The following SULT1A1 variants were observed in gnomAD, a reference collection of about 807,000 sequenced individuals.
The protein encoded by SULT1A1 is sulfotransferase 1A1.
SULT1A1 carries 35 observed loss-of-function variants against 36.8 expected under a neutral mutation model. The ratio of observed to expected loss-of-function variants is 0.95; its 90% CI spans 0.73 to 1.26. The LOEUF (loss-of-function observed/expected upper bound fraction) is 1.26, where lower values mean the gene tolerates loss of function less well. Among genes scored for constraint, SULT1A1 ranks in the 50% most tolerant of loss-of-function variants. The pLI, the probability that SULT1A1 is intolerant of heterozygous loss-of-function variation, is 0.00. For missense variants in SULT1A1, 309 were observed against 383.0 expected (o/e 0.81, Z 1.61); for synonymous variants, 119 against 146.0 (o/e 0.82, Z 1.33).
intron 2 of SULT1A1, among the ~76,000 whole-genome samples, chr16:28,617,506 C>T (rs1363247338): frequency 6.6e-6 from 1 of 151,878 alleles, no homozygotes; most frequent in Non-Finnish European, 1.5e-5. Context: ...TCCACTAACA[C>T]CTAGGACAGC....
In SULT1A1 at chr16:28,605,599, A is replaced by C; in HGVS notation, c.*222T>G. 1.3e-6 allele frequency: 1 copy of C among 777,412 alleles called. No individual in the cohort carries two copies. Among genetic ancestry groups the C allele is most frequent in the Non-Finnish European group, 2.0e-6 (1 of 493,328 alleles). The allele number at this position is 777,412 out of a possible 1,614,324, so 48.2% of individuals were successfully genotyped here. On this transcript the variant is annotated 3_prime_UTR_variant, in exon 8 of 8. Coordinates refer to ENST00000314752, the MANE Select transcript of SULT1A1 (RefSeq NM_001055.4). ...CAATCATATTTTATTCTCTTTTTAA[A>C]AATTGGTTTTATTTTATTTTATTTT...
At chr16:28,610,264 G>GTTT (rs538720119), upstream of SULT1A1, 29,687 of 345,618 alleles carry the variant, frequency 0.086, 1,560 homozygotes, top group Admixed American at 0.12. Context: ...TTTTTTTTCT[G>GTTT]TTTTTTTTTT....
At chr16:28,610,138 G>T (rs1444717372), upstream of SULT1A1, 22 of 1,285,862 alleles carry the variant, frequency 1.7e-5, no homozygotes, top group Middle Eastern at 2.9e-4. Context: ...ACCCTCCTTA[G>T]TGTGCCAGCT....
At chr16:28,610,187 G>A (rs2047393458), upstream of SULT1A1, 1 of 1,283,674 alleles carries the variant, frequency 7.8e-7, no homozygotes, top group Non-Finnish European at 1.0e-6. Context: ...CCACGACTGA[G>A]TTTGCTGTGT....
In SULT1A1 at chr16:28,609,936, C is replaced by A. The variant is rs2047381921; in HGVS notation, c.-10G>T. The A allele has an allele frequency of 1.6e-6, 2 of 1,287,212 alleles. No homozygotes were observed. The highest frequency in any genetic ancestry group is 2.0e-6 in the Non-Finnish European group (2 of 987,024). The allele number at this position is 1,287,212 out of a possible 1,614,324, so 79.7% of individuals were successfully genotyped here. A position where few individuals can be genotyped will look rare whatever the true frequency, so the allele number is the denominator to read the frequency against. On this transcript the variant is annotated 5_prime_UTR_variant, in exon 1 of 8. Coordinates refer to ENST00000314752, the MANE Select transcript of SULT1A1 (RefSeq NM_001055.4). ...CGTTCCACTGTGTCACTCACCTGAG[C>A]TCTTGGGAACCTGGCCTCGTGCCCT...
rs767915085 is a variant in SULT1A1 at position 28,606,122 on chromosome 16, T to C, written c.709A>G (p.Met237Val). 6.2e-6 allele frequency: 10 copies of C among 1,607,000 alleles called. No homozygotes were observed. The highest frequency in any genetic ancestry group is 8.5e-6 in the Non-Finnish European group (10 of 1,175,518). Residue 237 changes from methionine to valine, a missense_variant, in exon 7 of 8, where the codon ATG (methionine) becomes GTG (valine). Met to Val is a conservative substitution (Grantham distance 21). Coordinates refer to ENST00000314752, the MANE Select transcript of SULT1A1 (RefSeq NM_001055.4). ...TSFKEMKKNP[M>V]TNYTTVPQEF... is the part of the protein sequence containing the mutation. The stretch of plus-strand genomic sequence containing the variant: ...TGGGGGACGGTGGTGTAGTTGGTCA[T>C]AGGGTTCTTCTTCATCTCCTTGAAC...
intron 2 of SULT1A1, among the ~76,000 whole-genome samples, chr16:28,618,758 C>A (rs992896654): frequency 5.3e-5 from 8 of 152,140 alleles, no homozygotes; most frequent in African/African-American, 1.7e-4. Flanking sequence ...CTATCAATAC[C>A]TTTGTGATGT....
At chr16:28,622,146 T>C (rs1234505700) in intron 1 of SULT1A1, among the ~76,000 whole-genome samples, 3 of 152,166 alleles carry the variant, frequency 2.0e-5, no homozygotes, top group East Asian at 1.9e-4. Context: ...CATGCAATCA[T>C]GCACCCTCTC....
intron 1 of SULT1A1, among the ~76,000 whole-genome samples, chr16:28,621,745 C>T (rs1311867819): frequency 1.3e-5 from 2 of 152,108 alleles, no homozygotes; most frequent in African/African-American, 4.8e-5. Flanking sequence ...CTGACCCCGT[C>T]AGGCTTAAGA....
chr16:28,620,128 T>C (rs773199665), exon 2 of SULT1A1: 1 of 1,612,764 alleles, frequency 6.2e-7, no homozygotes, highest in Non-Finnish European at 8.5e-7. Flanking sequence ...TGGAGAATGC[T>C]CATACCTATT....
chr16:28,606,367 C>A (rs751322794), intron 6 of SULT1A1, 131 bp from the exon 7 acceptor site: 5 of 1,487,404 alleles, frequency 3.4e-6, no homozygotes, highest in African/African-American at 2.8e-5. Flanking sequence ...AACTCCTCAA[C>A]CCCCAGGGCC....
chr16:28,619,055 G>T (rs1032719536), intron 2 of SULT1A1, among the ~76,000 whole-genome samples: 1 of 152,042 alleles, frequency 6.6e-6, no homozygotes, highest in Admixed American at 6.6e-5. Flanking sequence ...TTGCTCTGTT[G>T]CCCAGGCTGG....
At chr16:28,622,998 C>G in intron 1 of SULT1A1, 1 of 1,248,634 alleles carries the variant, frequency 8.0e-7, no homozygotes, top group East Asian at 2.6e-5. Flanking sequence ...CAGCTCCGGT[C>G]TCAGAGCCCC....
chr16:28,607,437 C>T, intron 4 of SULT1A1: 1 of 243,108 alleles, frequency 4.1e-6, no homozygotes, highest in Non-Finnish European at 8.2e-6. Flanking sequence ...TCTTGGTCAT[C>T]AGAGCAAGAG....
intron 2 of SULT1A1, among the ~76,000 whole-genome samples, chr16:28,618,253 G>A (rs550290814): frequency 6.6e-6 from 1 of 150,406 alleles, no homozygotes; most frequent in South Asian, 2.1e-4. Flanking sequence ...GCGCAGGCTG[G>A]TCTGAAACTG....
chr16:28,622,082 A>G (rs1012586254), intron 1 of SULT1A1, among the ~76,000 whole-genome samples: 1 of 152,150 alleles, frequency 6.6e-6, no homozygotes, highest in Admixed American at 6.5e-5. Flanking sequence ...CTTCATGACT[A>G]TAACCTATGC....
At chr16:28,617,730 C>T (rs1213446988) in intron 2 of SULT1A1, among the ~76,000 whole-genome samples, 3 of 151,892 alleles carry the variant, frequency 2.0e-5, no homozygotes, top group East Asian at 1.9e-4. Context: ...TTAGTAGTGA[C>T]GGGGTTTCAC....
Position 28,605,517 on chromosome 16 carries a change from T to G in SULT1A1, c.*304A>C. The G allele has an allele frequency of 2.0e-6, 1 of 491,626 alleles. No individual in the cohort carries two copies. Among genetic ancestry groups the G allele is most frequent in the Non-Finnish European group, 3.7e-6 (1 of 273,490 alleles). 30.5% of individuals were successfully genotyped at this position (491,626 alleles called of 1,614,324 possible). A position where few individuals can be genotyped will look rare whatever the true frequency, so the allele number is the denominator to read the frequency against. Reference sequence around the variant, plus strand: ...AAACTCCTGTCCTCCAGTGATCCTCTAGCCTCAACTTCTCAAATTGCTGGG... The same window carrying G: ...AAACTCCTGTCCTCCAGTGATCCTCGAGCCTCAACTTCTCAAATTGCTGGG... On this transcript the variant is annotated 3_prime_UTR_variant, in exon 8 of 8. Transcript: ENST00000314752.
chr16:28,606,761 C>G lies in SULT1A1; in HGVS notation c.594G>C (p.Glu198Asp). Reference protein sequence around the residue: ...VLYLFYEDMKENPKREIQKIL... With the variant: ...VLYLFYEDMKDNPKREIQKIL... ...AGGGAAGCATCGCACGTGGTCTCAC[C>G]TCCTTCATGTCTTCATAGAAGAGGT... The change falls in exon 6 of 8, where the codon GAG becomes GAC. Residue 198 changes from glutamate to aspartate, a missense_variant and splice_region_variant. Glu to Asp is a conservative substitution (Grantham distance 45). Coordinates refer to ENST00000314752, the MANE Select transcript of SULT1A1 (RefSeq NM_001055.4). The G allele has an allele frequency of 6.2e-7, 1 of 1,612,234 alleles. No homozygotes were observed. Among genetic ancestry groups the G allele is most frequent in the Non-Finnish European group, 8.5e-7 (1 of 1,178,604 alleles).
Sources: allele counts gnomAD v4.1 joint callset (sites outside exome capture counted in the v4.1 genomes callset), GRCh38; gene constraint gnomAD v4.1.1; transcripts MANE v1.5; gene names NCBI Gene and HGNC (gene_info 2026-07-23, HGNC 2026-07-21).